ANKRD7: variants seen among roughly 807,000 people sequenced by gnomAD.
ANKRD7 encodes ankyrin repeat domain-containing protein 7.
ANKRD7 carries 30 observed loss-of-function variants against 30.8 expected under a neutral mutation model. The ratio of observed to expected loss-of-function variants is 0.97; its 90% confidence interval spans 0.73 to 1.32. ANKRD7 has a LOEUF of 1.32. Among genes scored for constraint, ANKRD7 ranks in the 40% most tolerant of loss-of-function variants. ANKRD7 has a pLI of 0.00. For synonymous variants in ANKRD7, 97 were observed against 106.6 expected (o/e 0.91, Z 0.55); for missense variants, 264 against 295.7 (o/e 0.89, Z 0.79).
chr7:118,226,677 G>A (rs192128906), intron 1 of ANKRD7, among the ~76,000 whole-genome samples: 189 of 152,102 alleles, frequency 1.2e-3, no homozygotes, highest in African/African-American at 4.5e-3. Flanking sequence ...CAGTGTCTCT[G>A]GTATTTTTTG....
rs1371484330 is a variant in ANKRD7 at position 118,242,704 on chromosome 7, CATT to C, written c.*396_*398del. ...ATTTCAGCTACAAAGTGAAGGAAAACATTATAAATAATCCTGTATAAATCAAAA... is the reference window on the plus strand; with the variant it reads ...ATTTCAGCTACAAAGTGAAGGAAAACATAAATAATCCTGTATAAATCAAAA... On this transcript the variant is annotated 3_prime_UTR_variant, in exon 7 of 7. Coordinates refer to ENST00000265224, the MANE Select transcript of ANKRD7 (RefSeq NM_019644.4). 4 of 151,960 alleles carry C rather than the reference CATT, an allele frequency of 2.6e-5. No homozygotes were observed. The highest frequency in any genetic ancestry group is 4.4e-5 in the Non-Finnish European group (3 of 67,970). The allele number at this position is 151,960 out of a possible 1,614,324, so 9.4% of individuals were successfully genotyped here.
In ANKRD7 at chr7:118,225,425, T is replaced by C. The variant is rs140200368; in HGVS notation, c.179+416T>C. ...ATCACTTGAACCCGGAAGGCGGAGGTTGCAGTGAGCCGAGATCGGGCCACT... is the reference window on the plus strand; with the variant it reads ...ATCACTTGAACCCGGAAGGCGGAGGCTGCAGTGAGCCGAGATCGGGCCACT... On this transcript the variant is annotated intron_variant, in intron 1 of 6. Transcript: ENST00000265224. Among the ~76,000 whole-genome samples the C allele has an allele frequency of 4.2e-3, 638 of 151,680 alleles. 4 individuals carry two copies. Among genetic ancestry groups the C allele is most frequent in the Middle Eastern group, 0.014 (4 of 294 alleles).
intron 1 of ANKRD7, among the ~76,000 whole-genome samples, chr7:118,230,557 C>T (rs1290594093): frequency 1.3e-5 from 2 of 151,718 alleles, no homozygotes; most frequent in African/African-American, 4.8e-5. Flanking sequence ...TAAAGTTGTA[C>T]ACTTTAATTT....
At chr7:118,228,980 G>T (rs1809588334) in intron 1 of ANKRD7, among the ~76,000 whole-genome samples, 2 of 152,054 alleles carry the variant, frequency 1.3e-5, no homozygotes, top group Non-Finnish European at 2.9e-5. Flanking sequence ...TCTTACTAGG[G>T]GTAAAAGCCG....
At chr7:118,230,653 G>T (rs1286196083) in intron 1 of ANKRD7, among the ~76,000 whole-genome samples, 1 of 146,142 alleles carries the variant, frequency 6.8e-6, no homozygotes, top group African/African-American at 2.5e-5. Context: ...TGTGTGTGTA[G>T]AGAGAGAGAG....
chr7:118,240,598 T>G (rs1015021783), intron 6 of ANKRD7, among the ~76,000 whole-genome samples: 1 of 152,128 alleles, frequency 6.6e-6, no homozygotes, highest in Admixed American at 6.5e-5. Context: ...AAAATATGCT[T>G]AATGATTAAG....
chr7:118,236,030 AT>A lies in ANKRD7; in HGVS notation c.469-4del. ...TACAATATTTTAATCATTTTTAAAT[AT>A]TTTTTTCAGGATGGGTATACTCCAC... On this transcript the variant is annotated splice_polypyrimidine_tract_variant and intron_variant, in intron 3 of 6. Transcript: ENST00000265224. 8 of 1,406,312 alleles carry A rather than the reference AT, an allele frequency of 5.7e-6. No homozygotes were observed. Among genetic ancestry groups the A allele is most frequent in the Non-Finnish European group, 5.9e-6 (6 of 1,018,474 alleles). The allele number at this position is 1,406,312 out of a possible 1,614,324, so 87.1% of individuals were successfully genotyped here.
intron 1 of ANKRD7, among the ~76,000 whole-genome samples, chr7:118,228,732 A>T (rs1208656836): frequency 6.6e-6 from 1 of 152,198 alleles, no homozygotes; most frequent in Non-Finnish European, 1.5e-5. Context: ...TTGATTAAAC[A>T]GCAAATCTTG....
chr7:118,233,900 A>G (rs1809682230), intron 1 of ANKRD7, among the ~76,000 whole-genome samples: 1 of 152,144 alleles, frequency 6.6e-6, no homozygotes, highest in Non-Finnish European at 1.5e-5. Flanking sequence ...AGAAGTAGAA[A>G]TTAGTGTAAT....
intron 1 of ANKRD7, among the ~76,000 whole-genome samples, chr7:118,230,980 G>A (rs1057413650): frequency 6.6e-6 from 1 of 151,802 alleles, no homozygotes; most frequent in African/African-American, 2.4e-5. Flanking sequence ...TGGAATTTCT[G>A]GTAAAAAAGA....
rs75947847 is a variant in ANKRD7, at chr7:118,227,943, C to T, written c.179+2934C>T. 327 of 1,337,266 alleles carry T rather than the reference C, an allele frequency of 2.4e-4. No homozygotes were observed. In the African/African-American group the frequency reaches 4.8e-3, roughly 19 times the overall value. The allele number at this position is 1,337,266 out of a possible 1,614,324, so 82.8% of individuals were successfully genotyped here. Reference sequence around the variant, plus strand: ...TTTAACAAAAACAGTGTTGTCCAATCTTCTAGATGGCTTTTATCCTACACC... The same window carrying T: ...TTTAACAAAAACAGTGTTGTCCAATTTTCTAGATGGCTTTTATCCTACACC... On this transcript the variant is annotated intron_variant, in intron 1 of 6. Coordinates refer to ENST00000265224, the MANE Select transcript of ANKRD7 (RefSeq NM_019644.4).
intron 1 of ANKRD7, among the ~76,000 whole-genome samples, chr7:118,228,854 A>G (rs1809586432): frequency 6.6e-6 from 1 of 152,192 alleles, no homozygotes; most frequent in African/African-American, 2.4e-5. Context: ...TACAGTGGCC[A>G]CTTAACTACA....
chr7:118,233,804 A>G (rs1264569781), intron 1 of ANKRD7, among the ~76,000 whole-genome samples: 1 of 152,098 alleles, frequency 6.6e-6, no homozygotes, highest in Admixed American at 6.5e-5. Context: ...AAAAACTGCA[A>G]AATTTAAATG....
intron 1 of ANKRD7, among the ~76,000 whole-genome samples, chr7:118,225,252 C>G (rs1170908066): frequency 6.6e-6 from 1 of 152,112 alleles, no homozygotes; most frequent in East Asian, 1.9e-4. Context: ...TCTGGGAGGC[C>G]GAGGCGGGTG....
chr7:118,225,733 A>G (rs779670715), intron 1 of ANKRD7, among the ~76,000 whole-genome samples: 2 of 152,172 alleles, frequency 1.3e-5, no homozygotes, highest in African/African-American at 2.4e-5. Context: ...CATCAAAACA[A>G]GTAACTTTTA....
chr7:118,229,215 C>T (rs1299772224), intron 1 of ANKRD7, among the ~76,000 whole-genome samples: 1 of 152,070 alleles, frequency 6.6e-6, no homozygotes, highest in Non-Finnish European at 1.5e-5. Context: ...TGCTCTTTCA[C>T]TTCCTTTAGG....
chr7:118,226,290 A>C (rs1485916833), intron 1 of ANKRD7, among the ~76,000 whole-genome samples: 2 of 152,088 alleles, frequency 1.3e-5, no homozygotes, highest in East Asian at 3.9e-4. Context: ...TTCTTCTTTA[A>C]TCTAAAGTGA....
chr7:118,240,408 C>G (rs1050542151), intron 6 of ANKRD7, among the ~76,000 whole-genome samples: 33 of 151,644 alleles, frequency 2.2e-4, no homozygotes, highest in Non-Finnish European at 4.1e-4. Flanking sequence ...TGAGAATATG[C>G]GGTGTTTGGT....
At chr7:118,237,941 T>A (rs1809759386) in intron 5 of ANKRD7, among the ~76,000 whole-genome samples, 1 of 152,166 alleles carries the variant, frequency 6.6e-6, no homozygotes. Flanking sequence ...ACAAAAGTGA[T>A]CCCTAATGTT....
Sources: gnomAD v4.1 joint callset for allele counts (sites outside exome capture counted in the v4.1 genomes callset) on GRCh38, gnomAD v4.1.1 for gene constraint, MANE v1.5 for transcripts, NCBI Gene and HGNC (gene_info 2026-07-23, HGNC 2026-07-21) for gene names.